PCCA: variants seen among roughly 807,000 people sequenced by gnomAD.
PCCA encodes propionyl-CoA carboxylase alpha chain, mitochondrial.
In PCCA, 74 loss-of-function variants were observed where a neutral mutation model predicts 101.3. The ratio of observed to expected loss-of-function variants is 0.73; its 90% CI spans 0.61 to 0.89. PCCA has a LOEUF of 0.89. PCCA is among the 40% of genes least tolerant of loss of function. PCCA has a pLI of 0.00. For synonymous variants in PCCA, 294 were observed against 313.6 expected, an observed-to-expected ratio of 0.94 and a Z score of 0.66; for missense variants, 891 against 907.0, an observed-to-expected ratio of 0.98 and a Z score of 0.23.
At chr13:100,478,020 G>A (rs578020579) in intron 21 of PCCA, among the ~76,000 whole-genome samples, 6 of 152,310 alleles carry the variant, frequency 3.9e-5, no homozygotes, top group African/African-American at 7.2e-5. Context: ...CGAGCTAATC[G>A]GGCCTTTTAG....
At chr13:100,089,375 C>A in intron 1 of PCCA, 150 bp downstream of exon 1, 1 of 1,128,892 alleles carries the variant, frequency 8.9e-7, no homozygotes, top group South Asian at 2.3e-5. Context: ...TTTCCTCCCT[C>A]CCGGAGTTCG....
chr13:100,336,537 T>C (rs1012648697), intron 17 of PCCA, among the ~76,000 whole-genome samples: 12 of 152,166 alleles, frequency 7.9e-5, no homozygotes, highest in Non-Finnish European at 1.8e-4. Flanking sequence ...AAACATTGTT[T>C]AGGGGTTGGG....
intron 7 of PCCA, among the ~76,000 whole-genome samples, chr13:100,225,269 G>A (rs971853100): frequency 1.3e-5 from 2 of 152,110 alleles, no homozygotes; most frequent in Non-Finnish European, 2.9e-5. Flanking sequence ...TGAAGTGGAG[G>A]GAAGGATCAT....
intron 4 of PCCA, chr13:100,149,400 A>G (rs2053016322): frequency 6.6e-6 from 1 of 152,190 alleles, no homozygotes; most frequent in Non-Finnish European, 1.5e-5. Context: ...ACTATAATCT[A>G]TCTCCAGAAC....
rs140914637 is a variant in PCCA, at chr13:100,331,611, T to C, written c.1540+940T>C. 1.1e-4 allele frequency among the ~76,000 whole-genome samples: 16 copies of C among 152,292 alleles called. 1 individual carries two copies. The East Asian group carries it at 1.3e-3, about 13-fold the overall frequency. Reference sequence around the variant, plus strand: ...GAATATTGTTTTAAAACTTTAGTGTTATAGAGTTTTATCATTAGTATTAAG... The same window carrying C: ...GAATATTGTTTTAAAACTTTAGTGTCATAGAGTTTTATCATTAGTATTAAG... On this transcript the variant is annotated intron_variant, in intron 17 of 23. Transcript: ENST00000376285.
At chr13:100,509,940 A>G (rs973803926) in intron 21 of PCCA, among the ~76,000 whole-genome samples, 3 of 152,110 alleles carry the variant, frequency 2.0e-5, no homozygotes, top group Admixed American at 1.3e-4. Context: ...TGCTTCAGGT[A>G]TAGTTTACAA....
chr13:100,190,990 T>C (rs1320772675), intron 6 of PCCA, among the ~76,000 whole-genome samples: 2 of 151,926 alleles, frequency 1.3e-5, no homozygotes, highest in African/African-American at 4.8e-5. Flanking sequence ...CCAGCTACTT[T>C]GGAGGCTGAT....
At chr13:100,156,821 G>A (rs935512854) in intron 5 of PCCA, among the ~76,000 whole-genome samples, 4 of 152,226 alleles carry the variant, frequency 2.6e-5, no homozygotes, top group Non-Finnish European at 5.9e-5. Flanking sequence ...ACCAGTTCGT[G>A]AGTACTGTAA....
chr13:100,461,149 T>C (rs531431804), intron 21 of PCCA, among the ~76,000 whole-genome samples: 5 of 152,368 alleles, frequency 3.3e-5, no homozygotes, highest in Middle Eastern at 6.8e-3. Context: ...AGCATTTTAA[T>C]GTAGTAAAAG....
At chr13:100,178,476 A>G (rs963765022) in intron 6 of PCCA, among the ~76,000 whole-genome samples, 9 of 152,174 alleles carry the variant, frequency 5.9e-5, no homozygotes, top group Non-Finnish European at 1.0e-4. Context: ...TAAGGCTTTA[A>G]TTTACCCCCT....
At chr13:100,347,461 C>CT (rs2072449921) in intron 18 of PCCA, among the ~76,000 whole-genome samples, 1 of 152,104 alleles carries the variant, frequency 6.6e-6, no homozygotes, top group African/African-American at 2.4e-5. Flanking sequence ...TTCCTAAAAG[C>CT]TCTTTGAAAA....
chr13:100,239,075 A>T (rs1419813162), intron 8 of PCCA, among the ~76,000 whole-genome samples: 1 of 152,192 alleles, frequency 6.6e-6, no homozygotes, highest in African/African-American at 2.4e-5. Flanking sequence ...TAGGAAACTC[A>T]CTGTATTGAG....
intron 1 of PCCA, among the ~76,000 whole-genome samples, chr13:100,097,604 A>G (rs965925277): frequency 3.9e-5 from 6 of 152,126 alleles, no homozygotes; most frequent in Admixed American, 3.9e-4. Context: ...CTGTAATCCC[A>G]GCTACTCGGG....
At chr13:100,154,010 C>CT (rs957576421) in intron 4 of PCCA, among the ~76,000 whole-genome samples, 4 of 151,676 alleles carry the variant, frequency 2.6e-5, no homozygotes, top group African/African-American at 7.3e-5. Context: ...ACTGAAGACT[C>CT]TAACAGAAAT....
At chr13:100,375,503 C>G (rs556839052) in intron 19 of PCCA, among the ~76,000 whole-genome samples, 94 of 152,146 alleles carry the variant, frequency 6.2e-4, no homozygotes, top group Non-Finnish European at 1.2e-3. Context: ...GAGTCTAAGT[C>G]TCTTTTTAGG....
Position 100,262,726 on chromosome 13 carries a change from C to A in PCCA, c.717-3C>A. 1.7e-6 allele frequency: 2 copies of A among 1,199,372 alleles called. No individual in the cohort carries two copies. The highest frequency in any genetic ancestry group is 2.3e-6 in the Non-Finnish European group (2 of 858,650). The allele number at this position is 1,199,372 out of a possible 1,614,324, so 74.3% of individuals were successfully genotyped here. A position where few individuals can be genotyped will look rare whatever the true frequency, so the allele number is the denominator to read the frequency against. On this transcript the variant is annotated splice_polypyrimidine_tract_variant and splice_region_variant and intron_variant, in intron 9 of 23. Transcript: ENST00000376285. Reference sequence around the variant, plus strand: ...TCCTCCTTCTTCCTTCTTTTTTTCACAGGGATGGTTTTAGATTGTCATCTC... The same window carrying A: ...TCCTCCTTCTTCCTTCTTTTTTTCAAAGGGATGGTTTTAGATTGTCATCTC...
At chr13:100,111,017 T>C (rs2048257035) in intron 2 of PCCA, among the ~76,000 whole-genome samples, 1 of 151,368 alleles carries the variant, frequency 6.6e-6, no homozygotes, top group Non-Finnish European at 1.5e-5. Context: ...TTAAATTATT[T>C]ATTTATTTAT....
chr13:100,192,004 C>T (rs939902137), intron 6 of PCCA, among the ~76,000 whole-genome samples: 5 of 152,060 alleles, frequency 3.3e-5, no homozygotes, highest in African/African-American at 9.7e-5. Context: ...GTGATCTGAA[C>T]GTGTTAAATT....
At position 100,323,803 on chromosome 13, in the gene PCCA, C is replaced by T. The variant is rs139334720; in HGVS notation, c.1430-6758C>T. Among the ~76,000 whole-genome samples, 129 of 152,224 alleles carry T rather than the reference C, an allele frequency of 8.5e-4. 2 individuals are homozygous for T. The highest frequency in any genetic ancestry group is 3.4e-3 in the Middle Eastern group (1 of 294). ...CCCAGCATTGCATTAAGCATTATAT[C>T]ATTTATACCTGATAACAATCATGCA... On this transcript the variant is annotated intron_variant, in intron 16 of 23. Coordinates refer to ENST00000376285, the MANE Select transcript of PCCA (RefSeq NM_000282.4).
Sources: allele counts gnomAD v4.1 joint callset (sites outside exome capture counted in the v4.1 genomes callset), GRCh38; gene constraint gnomAD v4.1.1; transcripts MANE v1.5; gene names NCBI Gene and HGNC (gene_info 2026-07-23, HGNC 2026-07-21).